The following AGBL1 variants were observed in gnomAD, a reference collection of about 807,000 sequenced individuals.
The protein encoded by AGBL1 is cytosolic carboxypeptidase 4.
Under a neutral mutation model 118.9 loss-of-function variants are expected in AGBL1, and 130 were observed. The observed-to-expected ratio is 1.09, with a 90% CI of 0.95 to 1.26. The LOEUF (loss-of-function observed/expected upper bound fraction) is 1.26. Among genes scored for constraint, AGBL1 ranks in the 50% most tolerant of loss-of-function variants. AGBL1 has a pLI of 0.00. For synonymous variants in AGBL1, 555 were observed against 478.9 expected (o/e 1.16, Z -2.08); for missense variants, 1,584 against 1,298.1 (o/e 1.22, Z -3.38).
At chr15:86,979,406 A>G (rs1480150483) in intron 23 of AGBL1, among the ~76,000 whole-genome samples, 1 of 152,216 alleles carries the variant, frequency 6.6e-6, no homozygotes, top group Non-Finnish European at 1.5e-5. Flanking sequence ...ACATGATACA[A>G]TTTAAGAGTA....
In AGBL1 at chr15:86,934,405, G is replaced by T. The variant is rs377554351; in HGVS notation, c.3222-53582G>T. Among the ~76,000 whole-genome samples the T allele has an allele frequency of 1.6e-4, 25 of 152,276 alleles. 1 individual carries two copies. The East Asian group carries it at 4.3e-3, about 26-fold the overall frequency. Reference sequence around the variant, plus strand: ...TCCATTTAGAACAATAGACCAGAATGTGTGAATCTTCAACTATATTCCCTC... The same window carrying T: ...TCCATTTAGAACAATAGACCAGAATTTGTGAATCTTCAACTATATTCCCTC... On this transcript the variant is annotated intron_variant, in intron 23 of 24. Coordinates refer to the AGBL1 transcript ENST00000441037.
At chr15:86,172,145 A>G (rs1312148395) in intron 5 of AGBL1, among the ~76,000 whole-genome samples, 2 of 152,218 alleles carry the variant, frequency 1.3e-5, no homozygotes, top group African/African-American at 4.8e-5. Context: ...TAAAGAACTT[A>G]TTCATGTAAT....
chr15:86,420,972 A>T (rs551274655), intron 18 of AGBL1, among the ~76,000 whole-genome samples: 10 of 152,354 alleles, frequency 6.6e-5, no homozygotes, highest in Admixed American at 1.3e-4. Context: ...AAAAGATCAA[A>T]TCTATGTTTG....
At chr15:86,250,381 C>G (rs772932610) in intron 7 of AGBL1, among the ~76,000 whole-genome samples, 2 of 151,374 alleles carry the variant, frequency 1.3e-5, no homozygotes, top group Non-Finnish European at 2.9e-5. Flanking sequence ...AAAAAATTAG[C>G]CGGGCGTGGT....
chr15:86,212,308 T>A (rs892003260), intron 5 of AGBL1, among the ~76,000 whole-genome samples: 18 of 152,182 alleles, frequency 1.2e-4, no homozygotes, highest in Non-Finnish European at 2.2e-4. Flanking sequence ...GTAAACAATG[T>A]TATAATAAAG....
chr15:86,505,525 T>C (rs951701145), intron 18 of AGBL1, among the ~76,000 whole-genome samples: 1 of 151,980 alleles, frequency 6.6e-6, no homozygotes, highest in African/African-American at 2.4e-5. Flanking sequence ...ACTTTTTCTG[T>C]CTGCGCAAAA....
At chr15:86,567,188 G>A (rs1464608172) in intron 21 of AGBL1, among the ~76,000 whole-genome samples, 1 of 152,072 alleles carries the variant, frequency 6.6e-6, no homozygotes, top group South Asian at 2.1e-4. Context: ...TAGAAACTTT[G>A]GGGTCTAAGA....
intron 9 of AGBL1, among the ~76,000 whole-genome samples, chr15:86,260,041 A>G (rs1464737848): frequency 6.6e-6 from 1 of 152,266 alleles, no homozygotes; most frequent in East Asian, 1.9e-4. Context: ...CTTGAAAACT[A>G]TTCTTCAAAA....
At chr15:86,348,105 T>G (rs1353010047) in intron 17 of AGBL1, among the ~76,000 whole-genome samples, 1 of 152,210 alleles carries the variant, frequency 6.6e-6, no homozygotes, top group East Asian at 1.9e-4. Flanking sequence ...AATCTGATGC[T>G]TTCCATGCTG....
Position 86,433,266 on chromosome 15 carries a change from CT to C in AGBL1, c.2555+35747del, listed in dbSNP as rs59417397. Among the ~76,000 whole-genome samples, 404 of 74,790 alleles carry C rather than the reference CT, an allele frequency of 5.4e-3. 1 individual carries two copies. The highest frequency in any genetic ancestry group is 0.017 in the African/African-American group (318 of 18,920). 49.1% of individuals were successfully genotyped at this position (74,790 alleles called of 152,430 possible). On this transcript the variant is annotated intron_variant, in intron 18 of 22. Transcript: ENST00000614907. ...TCTCCTCCTCCTCCTCCTCCTTCTT[CT>C]TTTTTTTTTTTTTTTTTTTTTTTTT... is the stretch of plus-strand genomic sequence containing the variant.
At chr15:86,766,564 A>G (rs1388578369) in intron 22 of AGBL1, among the ~76,000 whole-genome samples, 1 of 151,928 alleles carries the variant, frequency 6.6e-6, no homozygotes, top group Non-Finnish European at 1.5e-5. Context: ...ATAGATGGTC[A>G]TATAATTTTT....
intron 21 of AGBL1, among the ~76,000 whole-genome samples, chr15:86,650,113 AC>A (rs2085345847): frequency 6.6e-6 from 1 of 152,128 alleles, no homozygotes; most frequent in South Asian, 2.1e-4. Context: ...TTTTTGTGGC[AC>A]AGGGGGCATT....
intron 22 of AGBL1, among the ~76,000 whole-genome samples, chr15:86,900,251 G>C (rs2080192250): frequency 6.6e-6 from 1 of 152,098 alleles, no homozygotes; most frequent in African/African-American, 2.4e-5. Flanking sequence ...GATCATGTGA[G>C]TCAATTCTCC....
At position 86,661,797 on chromosome 15, in the gene AGBL1, C is replaced by T. The variant is rs72762060; in HGVS notation, c.2995-12476C>T. On this transcript the variant is annotated intron_variant, in intron 21 of 22. Transcript: ENST00000614907. ...GTCATCCAAGTACAGGGCTCCATAC[C>T]AAGTCACTCTCGTCGCTCTGAGAAT... is the stretch of plus-strand genomic sequence containing the variant. Among the ~76,000 whole-genome samples the T allele has an allele frequency of 3.1e-3, 471 of 152,212 alleles. 1 individual carries two copies. Among genetic ancestry groups the T allele is most frequent in the Non-Finnish European group, 5.2e-3 (351 of 68,002 alleles).
intron 18 of AGBL1, among the ~76,000 whole-genome samples, chr15:86,448,709 G>GC (rs11372968): frequency 0.67 from 101,545 of 152,018 alleles, 35,906 homozygotes; most frequent in African/African-American, 0.89. Flanking sequence ...TCAGGGAGAG[G>GC]CTGAGGCCAG....
At chr15:86,340,285 G>T (rs1324947998) in intron 17 of AGBL1, among the ~76,000 whole-genome samples, 1 of 105,254 alleles carries the variant, frequency 9.5e-6, no homozygotes, top group Non-Finnish European at 2.5e-5. Context: ...GTTGAATATT[G>T]CCTCCACTGC....
intron 5 of AGBL1, among the ~76,000 whole-genome samples, chr15:86,167,065 C>T (rs1332359913): frequency 6.6e-6 from 1 of 151,996 alleles, no homozygotes; most frequent in African/African-American, 2.4e-5. Context: ...CAGTGAGGAG[C>T]TTATGCAAAG....
At chr15:86,699,089 T>G (rs1216596338) in intron 22 of AGBL1, among the ~76,000 whole-genome samples, 1 of 151,966 alleles carries the variant, frequency 6.6e-6, no homozygotes, top group African/African-American at 2.4e-5. Context: ...TCAGGTAACA[T>G]GCCTTTCATA....
intron 23 of AGBL1, among the ~76,000 whole-genome samples, chr15:86,927,693 A>T (rs2080559728): frequency 6.6e-6 from 1 of 152,236 alleles, no homozygotes; most frequent in African/African-American, 2.4e-5. Flanking sequence ...CAATATTGAT[A>T]ATCATGACCA....
Sources: gnomAD v4.1 joint callset for allele counts (sites outside exome capture counted in the v4.1 genomes callset) on GRCh38, gnomAD v4.1.1 for gene constraint, MANE v1.5 for transcripts, NCBI Gene and HGNC (gene_info 2026-07-23, HGNC 2026-07-21) for gene names.